ITGA9: variants seen among roughly 807,000 people sequenced by gnomAD.
ITGA9 encodes integrin alpha-9.
ITGA9 carries 56 observed loss-of-function variants against 127.8 expected under a neutral mutation model. That is an observed-to-expected ratio of 0.44 (90% CI 0.35 to 0.55). ITGA9 has a LOEUF of 0.55. Among genes scored for constraint, ITGA9 ranks in the 20% least tolerant of loss-of-function variants. The pLI, the probability that ITGA9 is intolerant of heterozygous loss-of-function variation, is 0.00. For synonymous variants in ITGA9, 508 were observed against 514.5 expected (o/e 0.99, Z 0.17); for missense variants, 1,196 against 1,347.1 (o/e 0.89, Z 1.76).
intron 18 of ITGA9, among the ~76,000 whole-genome samples, chr3:37,684,280 C>T (rs1165664664): frequency 6.6e-6 from 1 of 152,180 alleles, no homozygotes; most frequent in African/African-American, 2.4e-5. Flanking sequence ...AATCCTCTCC[C>T]TATGGTTTTA....
intron 15 of ITGA9, among the ~76,000 whole-genome samples, chr3:37,581,714 G>A (rs559909410): frequency 6.6e-6 from 1 of 152,300 alleles, no homozygotes; most frequent in East Asian, 1.9e-4. Context: ...AGATGACTTC[G>A]GTGCCCTCCC....
intron 14 of ITGA9, among the ~76,000 whole-genome samples, chr3:37,541,701 A>G (rs1344726818): frequency 1.3e-5 from 2 of 152,204 alleles, no homozygotes; most frequent in African/African-American, 4.8e-5. Flanking sequence ...TTGAAAGGAT[A>G]GGCACTACAA....
intron 1 of ITGA9, among the ~76,000 whole-genome samples, chr3:37,466,971 G>T (rs1298838049): frequency 6.6e-6 from 1 of 152,162 alleles, no homozygotes; most frequent in East Asian, 1.9e-4. Flanking sequence ...TCTTTTCAGT[G>T]GCTTGTTCTG....
chr3:37,483,892 A>C (rs1698582253), intron 4 of ITGA9, among the ~76,000 whole-genome samples: 1 of 152,246 alleles, frequency 6.6e-6, no homozygotes, highest in Non-Finnish European at 1.5e-5. Flanking sequence ...CAGGATTTTG[A>C]AGCTGGCCTC....
intron 11 of ITGA9, among the ~76,000 whole-genome samples, chr3:37,522,203 A>G (rs1699050921): frequency 6.6e-6 from 1 of 152,126 alleles, no homozygotes; most frequent in Non-Finnish European, 1.5e-5. Context: ...TGTCCTCCAC[A>G]GTGAGGACAT....
chr3:37,493,686 C>T (rs1465499408), intron 4 of ITGA9, among the ~76,000 whole-genome samples: 2 of 152,194 alleles, frequency 1.3e-5, no homozygotes. Flanking sequence ...TTCACTTAAC[C>T]TCTCTGAGCC....
intron 17 of ITGA9, among the ~76,000 whole-genome samples, chr3:37,677,627 A>T (rs950242545): frequency 1.3e-5 from 2 of 152,238 alleles, no homozygotes; most frequent in African/African-American, 4.8e-5. Flanking sequence ...TATATGCTTT[A>T]GGAGCAATGG....
At chr3:37,554,116 C>A (rs368445794) in intron 15 of ITGA9, among the ~76,000 whole-genome samples, 31 of 151,852 alleles carry the variant, frequency 2.0e-4, no homozygotes, top group East Asian at 1.4e-3. Context: ...GGGAGACAGA[C>A]AATAGATATA....
At chr3:37,589,905 C>T (rs535829482) in intron 15 of ITGA9, among the ~76,000 whole-genome samples, 24 of 152,130 alleles carry the variant, frequency 1.6e-4, no homozygotes, top group Non-Finnish European at 3.4e-4. Context: ...TCTGCATCTC[C>T]TCCCACGCCT....
chr3:37,625,921 T>C (rs1216942108), intron 15 of ITGA9, among the ~76,000 whole-genome samples: 2 of 152,182 alleles, frequency 1.3e-5, no homozygotes, highest in Non-Finnish European at 2.9e-5. Flanking sequence ...TACTGGGACA[T>C]GTAATAAGAA....
chr3:37,482,448 A>G (rs1318324905), intron 4 of ITGA9, among the ~76,000 whole-genome samples: 2 of 152,196 alleles, frequency 1.3e-5, no homozygotes, highest in African/African-American at 2.4e-5. Context: ...CTTCAGTTTG[A>G]TAGCTCGTAG....
At chr3:37,810,711 T>C (rs903765832) in intron 27 of ITGA9, among the ~76,000 whole-genome samples, 6 of 151,910 alleles carry the variant, frequency 3.9e-5, no homozygotes, top group Non-Finnish European at 5.9e-5. Context: ...CCACCATGCC[T>C]GGCCTCAACA....
At position 37,508,580 on chromosome 3, in the gene ITGA9, C is replaced by G. The variant is rs778737263; in HGVS notation, c.850C>G (p.Arg284Gly). 21 of 1,613,092 alleles carry G rather than the reference C, an allele frequency of 1.3e-5. 1 individual carries two copies. The East Asian group carries it at 4.2e-4, about 33-fold the overall frequency. ...ATAGGTTTATATTTTCAGAGCTGAC[C>G]GAAGATCAGGCACCTTAATTAAGAT... ...IGKVYIFRADRRSGTLIKIFQ... is the reference protein window; with the variant it reads ...IGKVYIFRADGRSGTLIKIFQ... Residue 284 changes from arginine (R) to glycine (G), a missense_variant, in exon 8 of 28, where the codon CGA becomes GGA. Coordinates refer to ENST00000264741, the MANE Select transcript of ITGA9 (RefSeq NM_002207.3).
chr3:37,737,821 A>G (rs78442168), intron 20 of ITGA9, among the ~76,000 whole-genome samples: 101 of 152,328 alleles, frequency 6.6e-4, no homozygotes, highest in African/African-American at 2.4e-3. Context: ...GAACTCCTAT[A>G]TACCCTTTAC....
chr3:37,499,531 C>G (rs758668806), intron 5 of ITGA9, among the ~76,000 whole-genome samples: 13 of 152,210 alleles, frequency 8.5e-5, no homozygotes, highest in South Asian at 4.1e-4. Flanking sequence ...GACATTGACA[C>G]TGGCTGTTCC....
intron 15 of ITGA9, among the ~76,000 whole-genome samples, chr3:37,546,030 C>T (rs1373172170): frequency 6.6e-6 from 1 of 152,150 alleles, no homozygotes; most frequent in Non-Finnish European, 1.5e-5. Flanking sequence ...ACTCATACTG[C>T]CTGTGATATT....
intron 1 of ITGA9, among the ~76,000 whole-genome samples, chr3:37,458,420 A>G (rs1328543590): frequency 1.3e-5 from 2 of 152,238 alleles, no homozygotes; most frequent in Non-Finnish European, 2.9e-5. Context: ...CTCTGACTCT[A>G]TGCAGATCTG....
intron 15 of ITGA9, among the ~76,000 whole-genome samples, chr3:37,576,369 C>T (rs1322729643): frequency 1.3e-5 from 2 of 152,190 alleles, no homozygotes; most frequent in East Asian, 3.8e-4. Context: ...TTTTCTTTAA[C>T]AAGAGAAAGC....
rs2125614305 is a variant in ITGA9 at position 37,589,554 on chromosome 3, G to A, written c.1690-39633G>A. Among the ~76,000 whole-genome samples, 3 of 152,320 alleles carry A rather than the reference G, an allele frequency of 2.0e-5. No individual in the cohort carries two copies. The South Asian group carries it at 6.2e-4, about 32-fold the overall frequency. On this transcript the variant is annotated intron_variant, in intron 15 of 27. Coordinates refer to ENST00000264741, the MANE Select transcript of ITGA9 (RefSeq NM_002207.3). Reference sequence around the variant, plus strand: ...AGGGAAAGGGGTTTGGTTGACCCAAGGTGGGCTGTAATTTTAAATAGGGTG... The same window carrying A: ...AGGGAAAGGGGTTTGGTTGACCCAAAGTGGGCTGTAATTTTAAATAGGGTG...
Sources: gnomAD v4.1 joint callset for allele counts (sites outside exome capture counted in the v4.1 genomes callset) on GRCh38, gnomAD v4.1.1 for gene constraint, MANE v1.5 for transcripts, NCBI Gene and HGNC (gene_info 2026-07-23, HGNC 2026-07-21) for gene names.